GRID2: variants seen among roughly 807,000 people sequenced by gnomAD.
GRID2 encodes glutamate receptor ionotropic, delta-2.
In GRID2, 33 loss-of-function variants were observed where a neutral mutation model predicts 114.8. That is an observed-to-expected ratio of 0.29 (90% confidence interval 0.22 to 0.38). The LOEUF (loss-of-function observed/expected upper bound fraction) is 0.38. Ranked by LOEUF, GRID2 falls within the 10% of genes least tolerant of loss-of-function variation. The pLI, the probability that GRID2 is intolerant of heterozygous loss-of-function variation, is 1.00. For synonymous variants in GRID2, 505 were observed against 449.9 expected (o/e 1.12, Z -1.55); for missense variants, 1,184 against 1,257.7 (o/e 0.94, Z 0.89).
At chr4:93,252,770 A>G (rs1199266491) in intron 8 of GRID2, among the ~76,000 whole-genome samples, 2 of 151,954 alleles carry the variant, frequency 1.3e-5, no homozygotes, top group Non-Finnish European at 2.9e-5. Flanking sequence ...CCCTCCTTGT[A>G]GAGATCGTTC....
intron 8 of GRID2, among the ~76,000 whole-genome samples, chr4:93,369,864 A>G (rs1176044312): frequency 6.6e-6 from 1 of 152,214 alleles, no homozygotes; most frequent in Non-Finnish European, 1.5e-5. Context: ...TTACAAATAT[A>G]AAGAGCATCT....
At chr4:93,298,942 A>C (rs2149163612) in intron 8 of GRID2, among the ~76,000 whole-genome samples, 1 of 152,374 alleles carries the variant, frequency 6.6e-6, no homozygotes, top group African/African-American at 2.4e-5. Context: ...GAGTAATGAA[A>C]TGAGATTAAT....
chr4:93,603,274 A>G (rs1739882221), intron 13 of GRID2, among the ~76,000 whole-genome samples: 1 of 152,208 alleles, frequency 6.6e-6, no homozygotes, highest in South Asian at 2.1e-4. Context: ...ATATGGAGAA[A>G]GTTGTAGTGG....
chr4:92,471,609 T>A (rs768765439), intron 1 of GRID2, among the ~76,000 whole-genome samples: 1 of 152,172 alleles, frequency 6.6e-6, no homozygotes, highest in African/African-American at 2.4e-5. Context: ...ACATGCATTT[T>A]AAAATATTTA....
intron 1 of GRID2, among the ~76,000 whole-genome samples, chr4:92,429,494 T>A (rs1373569151): frequency 6.6e-6 from 1 of 152,204 alleles, no homozygotes; most frequent in East Asian, 1.9e-4. Context: ...TGTCCTTTCA[T>A]CTGTTGATGA....
chr4:93,616,448 G>A (rs528836934), intron 13 of GRID2, among the ~76,000 whole-genome samples: 1 of 151,272 alleles, frequency 6.6e-6, no homozygotes, highest in Admixed American at 6.6e-5. Flanking sequence ...TCAGGAGGTT[G>A]AGGCAGGAAA....
intron 1 of GRID2, among the ~76,000 whole-genome samples, chr4:92,484,157 A>G (rs2149107503): frequency 6.6e-6 from 1 of 152,274 alleles, no homozygotes; most frequent in Non-Finnish European, 1.5e-5. Flanking sequence ...AACTGACAAT[A>G]GTTGCTATAC....
Position 92,582,046 on chromosome 4 carries a change from C to T in GRID2, c.89-8085C>T, listed in dbSNP as rs556248782. ...GAATGGAAGTTAATATTATAAGGCA[C>T]TTTGAACTCTCAGAACAAAGTGCTA... On this transcript the variant is annotated intron_variant, in intron 1 of 15. Transcript: ENST00000282020. Among the ~76,000 whole-genome samples the T allele has an allele frequency of 2.6e-4, 40 of 151,928 alleles. 1 individual carries two copies. Among genetic ancestry groups the T allele is most frequent in the Non-Finnish European group, 5.0e-4 (34 of 67,938 alleles).
intron 2 of GRID2, among the ~76,000 whole-genome samples, chr4:92,656,488 T>A (rs1732242531): frequency 6.6e-6 from 1 of 151,624 alleles, no homozygotes; most frequent in South Asian, 2.1e-4. Flanking sequence ...AAAAAACACT[T>A]TTCTAATCAT....
intron 13 of GRID2, among the ~76,000 whole-genome samples, chr4:93,574,881 TATAA>T (rs1205030694): frequency 6.6e-6 from 1 of 152,238 alleles, no homozygotes; most frequent in African/African-American, 2.4e-5. Context: ...TTCTCAACTC[TATAA>T]AGTCTAGGAT....
chr4:92,423,170 G>A (rs1731988479), intron 1 of GRID2, among the ~76,000 whole-genome samples: 1 of 152,078 alleles, frequency 6.6e-6, no homozygotes, highest in Non-Finnish European at 1.5e-5. Flanking sequence ...TAGCTGATGT[G>A]GTAGAAAGAA....
chr4:93,005,333 G>T (rs970954478), intron 2 of GRID2, among the ~76,000 whole-genome samples: 2 of 151,992 alleles, frequency 1.3e-5, no homozygotes, highest in African/African-American at 4.8e-5. Flanking sequence ...TGCTGCTGGT[G>T]CTGCCTACAG....
intron 1 of GRID2, among the ~76,000 whole-genome samples, chr4:92,379,267 G>A (rs79865235): frequency 0.016 from 2,368 of 151,706 alleles, 70 homozygotes; most frequent in African/African-American, 0.055. Flanking sequence ...TTTATCTTGC[G>A]TCTTGATGAA....
intron 13 of GRID2, among the ~76,000 whole-genome samples, chr4:93,595,491 A>G (rs1048462836): frequency 2.0e-5 from 3 of 152,202 alleles, no homozygotes; most frequent in Non-Finnish European, 4.4e-5. Context: ...AAATGGGAAT[A>G]ATACCTACTC....
chr4:93,472,759 T>A (rs1435316515), intron 11 of GRID2, among the ~76,000 whole-genome samples: 1 of 152,136 alleles, frequency 6.6e-6, no homozygotes, highest in Non-Finnish European at 1.5e-5. Context: ...TCATTAAAGA[T>A]GTTTCATCAT....
chr4:93,793,565 GTAATT>G (rs1734738405), intron 1 of GRID2, among the ~76,000 whole-genome samples: 1 of 152,106 alleles, frequency 6.6e-6, no homozygotes, highest in Admixed American at 6.5e-5. Flanking sequence ...ATGCTTGTCT[GTAATT>G]TAACATGCAT....
At chr4:93,103,295 G>T (rs1360907413) in intron 3 of GRID2, among the ~76,000 whole-genome samples, 2 of 151,960 alleles carry the variant, frequency 1.3e-5, no homozygotes, top group African/African-American at 4.8e-5. Flanking sequence ...TTCCCTTGGG[G>T]CACAGTGTTA....
At chr4:92,593,478 T>A (rs1321337814) in intron 2 of GRID2, among the ~76,000 whole-genome samples, 1 of 151,984 alleles carries the variant, frequency 6.6e-6, no homozygotes, top group African/African-American at 2.4e-5. Context: ...TTTGGAAATC[T>A]TCCTTTGTAG....
intron 5 of GRID2, among the ~76,000 whole-genome samples, chr4:93,213,823 T>TCACA (rs74714934): frequency 0.012 from 1,887 of 152,212 alleles, 25 homozygotes; most frequent in Non-Finnish European, 0.016. Flanking sequence ...CTCGGGGCTT[T>TCACA]CACAGTTCAG....
Sources: gnomAD v4.1 joint callset for allele counts (sites outside exome capture counted in the v4.1 genomes callset) on GRCh38, gnomAD v4.1.1 for gene constraint, MANE v1.5 for transcripts, NCBI Gene and HGNC (gene_info 2026-07-23, HGNC 2026-07-21) for gene names.